PLEKHA6: variants seen among roughly 807,000 people sequenced by gnomAD.
PLEKHA6 encodes the protein pleckstrin homology domain-containing family A member 6.
A neutral mutation model predicts 116.7 loss-of-function variants in PLEKHA6; 60 were observed. The observed-to-expected ratio is 0.51, with a 90% CI of 0.42 to 0.64. The LOEUF is 0.64. Among genes scored for constraint, PLEKHA6 ranks in the 30% least tolerant of loss-of-function variants. PLEKHA6 has a pLI of 0.00. For missense variants in PLEKHA6, 1,338 were observed against 1,422.7 expected, an observed-to-expected ratio of 0.94 and a Z score of 0.96; for synonymous variants, 489 against 556.1, an observed-to-expected ratio of 0.88 and a Z score of 1.70.
chr1:204,274,959 G>T, intron 1 of PLEKHA6, 150 bp from the exon 2 acceptor site: 1 of 949,284 alleles, frequency 1.1e-6, no homozygotes, highest in Non-Finnish European at 1.3e-6. Context: ...TGGGAGGCCT[G>T]GGCTGACATC....
chr1:204,242,990 G>A (rs562129774), intron 15 of PLEKHA6: 17 of 398,560 alleles, frequency 4.3e-5, no homozygotes, highest in South Asian at 4.1e-4. Flanking sequence ...CAGGGGTGCC[G>A]TAGAAACCGA....
At chr1:204,268,794 G>A (rs556035180) in intron 3 of PLEKHA6, among the ~76,000 whole-genome samples, 42 of 152,148 alleles carry the variant, frequency 2.8e-4, no homozygotes, top group African/African-American at 9.4e-4. Flanking sequence ...GTGTTGCCAC[G>A]TGGACCCTGT....
chr1:204,276,372 A>G (rs895335289), intron 1 of PLEKHA6, among the ~76,000 whole-genome samples: 2 of 152,128 alleles, frequency 1.3e-5, no homozygotes, highest in Non-Finnish European at 2.9e-5. Context: ...TCCAACAAGG[A>G]CACACTCCTC....
intron 17 of PLEKHA6, among the ~76,000 whole-genome samples, chr1:204,240,586 T>C (rs556868724): frequency 2.2e-4 from 34 of 152,342 alleles, no homozygotes; most frequent in Non-Finnish European, 4.3e-4. Context: ...GTTAACTTTA[T>C]GTAATAGTAT....
intron 1 of PLEKHA6, among the ~76,000 whole-genome samples, chr1:204,287,130 C>G (rs1220805779): frequency 6.6e-6 from 1 of 152,104 alleles, no homozygotes. Context: ...ACTATGTCAT[C>G]GAATCTCTTT....
chr1:204,324,599 A>ATC (rs1245048498), intron 1 of PLEKHA6, among the ~76,000 whole-genome samples: 20 of 152,256 alleles, frequency 1.3e-4, no homozygotes, highest in African/African-American at 4.6e-4. Context: ...ACAAAGTCTT[A>ATC]TCTGAGAGGG....
intron 9 of PLEKHA6, chr1:204,256,712 G>T: frequency 2.2e-6 from 1 of 456,150 alleles, no homozygotes; most frequent in Non-Finnish European, 3.9e-6. Flanking sequence ...GGCACAGAGC[G>T]TCCCTGGAGT....
intron 5 of PLEKHA6, among the ~76,000 whole-genome samples, chr1:204,265,869 C>T (rs140779031): frequency 2.0e-5 from 3 of 152,312 alleles, no homozygotes; most frequent in African/African-American, 4.8e-5. Context: ...TAATTCATCC[C>T]GGATCTCCAA....
rs142870074 is a variant in PLEKHA6 at position 204,345,604 on chromosome 1, G to A, written c.-95+14090C>T. Among the ~76,000 whole-genome samples, 496 of 152,192 alleles carry A rather than the reference G, an allele frequency of 3.3e-3. 3 individuals are homozygous for A. Among genetic ancestry groups the A allele is most frequent in the African/African-American group, 0.011 (447 of 41,512 alleles). On this transcript the variant is annotated intron_variant, in intron 1 of 22. Transcript: ENST00000272203. ...CCCGTTACCCTCCCCCAGCGCCCACGTGCACTGTGACCTGGGTTCAGCCTC... is the reference window on the plus strand; with the variant it reads ...CCCGTTACCCTCCCCCAGCGCCCACATGCACTGTGACCTGGGTTCAGCCTC...
intron 1 of PLEKHA6, among the ~76,000 whole-genome samples, chr1:204,293,811 G>A (rs76184361): frequency 0.011 from 1,620 of 152,278 alleles, 81 homozygotes; most frequent in Admixed American, 0.078. Context: ...ACGGGACAAG[G>A]CTCAGGAAGT....
intron 1 of PLEKHA6, chr1:204,313,802 G>A (rs1214642391): frequency 2.9e-6 from 2 of 684,528 alleles, no homozygotes; most frequent in African/African-American, 3.9e-5. Flanking sequence ...AGCAAATGCA[G>A]AAACCTGTTC....
chr1:204,338,800 G>A (rs190381965), intron 1 of PLEKHA6, among the ~76,000 whole-genome samples: 1 of 152,286 alleles, frequency 6.6e-6, no homozygotes, highest in African/African-American at 2.4e-5. Flanking sequence ...AGGGGATGGG[G>A]AGAGGGACTC....
chr1:204,367,244 C>T (rs1673680390), intron 3 of PLEKHA6, among the ~76,000 whole-genome samples: 1 of 152,224 alleles, frequency 6.6e-6, no homozygotes, highest in South Asian at 2.1e-4. Flanking sequence ...TAAGGGCTCC[C>T]CAGCCCACAG....
intron 1 of PLEKHA6, among the ~76,000 whole-genome samples, chr1:204,358,258 C>T (rs1201797520): frequency 1.3e-5 from 2 of 152,222 alleles, no homozygotes; most frequent in Admixed American, 1.3e-4. Context: ...TAAGGAAAGC[C>T]CAGTGGCAGT....
chr1:204,231,782 C>G (rs141808343), intron 17 of PLEKHA6, among the ~76,000 whole-genome samples: 208 of 152,218 alleles, frequency 1.4e-3, no homozygotes, highest in Admixed American at 2.4e-3. Context: ...CTTTCTTGCT[C>G]AAGCTGTTTT....
At chr1:204,339,263 C>A (rs1039544963) in intron 1 of PLEKHA6, among the ~76,000 whole-genome samples, 1 of 152,202 alleles carries the variant, frequency 6.6e-6, no homozygotes, top group African/African-American at 2.4e-5. Context: ...AGGATGGCCA[C>A]GGCCGGAAAT....
At chr1:204,305,687 C>T (rs1671231067) in intron 1 of PLEKHA6, among the ~76,000 whole-genome samples, 1 of 152,174 alleles carries the variant, frequency 6.6e-6, no homozygotes, top group South Asian at 2.1e-4. Context: ...AAATTATGCA[C>T]AGCAGCATCT....
At chr1:204,254,926 C>G (rs571493315) in intron 9 of PLEKHA6, among the ~76,000 whole-genome samples, 1 of 152,322 alleles carries the variant, frequency 6.6e-6, no homozygotes, top group Admixed American at 6.5e-5. Context: ...TCACAGCTCC[C>G]TTAGCTTAAA....
chr1:204,246,323 G>A (rs1663673545), intron 13 of PLEKHA6, among the ~76,000 whole-genome samples: 1 of 152,208 alleles, frequency 6.6e-6, no homozygotes, highest in Admixed American at 6.5e-5. Context: ...CAGAGATGAA[G>A]AGACTTACAC....
Sources: gnomAD v4.1 joint callset for allele counts (sites outside exome capture counted in the v4.1 genomes callset) on GRCh38, gnomAD v4.1.1 for gene constraint, MANE v1.5 for transcripts, NCBI Gene and HGNC (gene_info 2026-07-23, HGNC 2026-07-21) for gene names.